Variants in GPM6B observed in about 807,000 individuals in gnomAD.
GPM6B encodes the protein neuronal membrane glycoprotein M6-b.
GPM6B carries 4 observed loss-of-function variants against 27.2 expected under a neutral mutation model. The observed-to-expected ratio is 0.15, with a 90% CI of 0.07 to 0.34. The LOEUF (loss-of-function observed/expected upper bound fraction) is 0.34, where lower values mean the gene tolerates loss of function less well. Among genes scored for constraint, GPM6B ranks in the 10% least tolerant of loss-of-function variants. The probability of loss-of-function intolerance (pLI) is 1.00; values close to 1 mark genes in which losing one functional copy is unlikely to be tolerated. For synonymous variants in GPM6B, 124 were observed against 103.1 expected, an observed-to-expected ratio of 1.20 and a Z score of -1.23; for missense variants, 183 against 261.9, an observed-to-expected ratio of 0.70 and a Z score of 2.08.
At chrX:13,786,385 A>T (rs1243832986) in intron 2 of GPM6B, among the ~76,000 whole-genome samples, 1 of 112,187 alleles carries the variant, frequency 8.9e-6, no homozygotes, top group Non-Finnish European at 1.9e-5. Flanking sequence ...TAGCAAGGTG[A>T]TTGTTTTGGA....
intron 1 of GPM6B, among the ~76,000 whole-genome samples, chrX:13,927,177 C>A (rs866751017): frequency 1.5e-4 from 14 of 94,393 alleles, no homozygotes; most frequent in African/African-American, 3.6e-4. Context: ...AAAAAAAAAA[C>A]AATGAAATAC....
intron 1 of GPM6B, among the ~76,000 whole-genome samples, chrX:13,927,145 C>G (rs1397029223): frequency 1.1e-5 from 1 of 92,791 alleles, no homozygotes; most frequent in Non-Finnish European, 2.1e-5. Flanking sequence ...AACTTTCAAC[C>G]TCTCTAGAGA....
intron 2 of GPM6B, among the ~76,000 whole-genome samples, chrX:13,793,924 A>T (rs1247884132): frequency 8.9e-6 from 1 of 111,932 alleles, no homozygotes; most frequent in Non-Finnish European, 1.9e-5. Flanking sequence ...CATGATTCCA[A>T]GTGGTTACTT....
At chrX:13,852,799 G>C (rs1481375896) in intron 1 of GPM6B, among the ~76,000 whole-genome samples, 1 of 98,457 alleles carries the variant, frequency 1.0e-5, no homozygotes, top group Non-Finnish European at 2.0e-5. Flanking sequence ...TTAAAGACTG[G>C]GTTTCACTCT....
intron 1 of GPM6B, among the ~76,000 whole-genome samples, chrX:13,843,009 T>C (rs1337517645): frequency 1.8e-5 from 2 of 111,537 alleles, no homozygotes; most frequent in Admixed American, 9.5e-5. Flanking sequence ...GTTCAAAATA[T>C]ATGATCGCAA....
At chrX:13,852,105 C>T (rs1386425023) in intron 1 of GPM6B, among the ~76,000 whole-genome samples, 1 of 110,833 alleles carries the variant, frequency 9.0e-6, no homozygotes, top group African/African-American at 3.3e-5. Flanking sequence ...TTTTTGTAAA[C>T]GGCCAGAATA....
chrX:13,845,053 G>C (rs1470035750), intron 1 of GPM6B, among the ~76,000 whole-genome samples: 1 of 104,976 alleles, frequency 9.5e-6, no homozygotes, highest in African/African-American at 3.5e-5. Flanking sequence ...GCAGTGGTGT[G>C]ATCTTGGCTC....
chrX:13,859,837 C>G (rs1464392618), intron 1 of GPM6B, among the ~76,000 whole-genome samples: 1 of 111,391 alleles, frequency 9.0e-6, no homozygotes. Context: ...TATGCTCTTT[C>G]CCCCACACGA....
chrX:13,922,047 C>G (rs1246188003), intron 1 of GPM6B, among the ~76,000 whole-genome samples: 1 of 111,720 alleles, frequency 9.0e-6, no homozygotes, highest in Admixed American at 9.5e-5. Context: ...GCATGTCTTA[C>G]AGAAAGCTGC....
chrX:13,927,088 A>C (rs781148241), intron 1 of GPM6B, among the ~76,000 whole-genome samples: 2 of 111,621 alleles, frequency 1.8e-5, no homozygotes, highest in Non-Finnish European at 3.8e-5. Context: ...AATACAAATA[A>C]GGATCTAAAT....
chrX:13,865,541 T>TAAAAAAAAAAAAAAAAA (rs1569271152), intron 1 of GPM6B, among the ~76,000 whole-genome samples: 1 of 3,113 alleles, frequency 3.2e-4, no homozygotes. Context: ...ATCCATCTCT[T>TAAAAAAAAAAAAAAAAA]CAAAAAAAAA....
At chrX:13,836,252 C>G (rs752225401) in intron 1 of GPM6B, among the ~76,000 whole-genome samples, 73 of 111,657 alleles carry the variant, frequency 6.5e-4, no homozygotes, top group African/African-American at 1.1e-3. Context: ...TTAATGGTAA[C>G]TTAAATGGGT....
At chrX:13,836,145 C>G (rs186358085) in intron 1 of GPM6B, among the ~76,000 whole-genome samples, 4 of 112,153 alleles carry the variant, frequency 3.6e-5, no homozygotes, top group Non-Finnish European at 7.5e-5. Flanking sequence ...GAGCTTACAA[C>G]CAGTAGCAGT....
chrX:13,773,265 C>CAAAGGTATTGTTAAGAAAAAGCAA (rs2048334875), intron 7 of GPM6B: 4 of 265,320 alleles, frequency 1.5e-5, no homozygotes, highest in Non-Finnish European at 2.0e-5. Context: ...AAAAAATGGC[C>CAAAGGTATTGTTAAGAAAAAGCAA]AAAGGTATTG....
chrX:13,799,189 AATTTTTTTTTTTTTTTTTTT>A (rs2048871393), intron 2 of GPM6B, among the ~76,000 whole-genome samples: 1 of 69,753 alleles, frequency 1.4e-5, no homozygotes, highest in Admixed American at 1.8e-4. Context: ...TAGCCAACCT[AATTTTTTTTTTTTTTTTTTT>A]TTTTTTTTTT....
chrX:13,810,299 A>AAAGGGGGC (rs777155030), intron 1 of GPM6B, among the ~76,000 whole-genome samples: 1 of 112,144 alleles, frequency 8.9e-6, no homozygotes, highest in African/African-American at 3.2e-5. Flanking sequence ...TCCTCTTGGT[A>AAAGGGGGC]AAGGGGGCTA....
At chrX:13,862,916 C>T (rs1193799271) in intron 1 of GPM6B, among the ~76,000 whole-genome samples, 1 of 108,949 alleles carries the variant, frequency 9.2e-6, no homozygotes, top group Non-Finnish European at 1.9e-5. Flanking sequence ...AGGCTGGTCT[C>T]AAATTCCAAG....
chrX:13,782,276 G>A (rs2070915051), intron 4 of GPM6B, among the ~76,000 whole-genome samples: 1 of 111,554 alleles, frequency 9.0e-6, no homozygotes, highest in African/African-American at 3.3e-5. Flanking sequence ...ATGCTAGGTG[G>A]GCTGTGGATC....
intron 1 of GPM6B, among the ~76,000 whole-genome samples, chrX:13,857,575 G>C (rs1242866997): frequency 8.9e-6 from 1 of 112,032 alleles, no homozygotes; most frequent in Non-Finnish European, 1.9e-5. Context: ...AAGAAACTGA[G>C]ATATTGGCAG....
Sources: allele counts gnomAD v4.1 joint callset (sites outside exome capture counted in the v4.1 genomes callset), GRCh38; gene constraint gnomAD v4.1.1; transcripts MANE v1.5; gene names NCBI Gene and HGNC (gene_info 2026-07-23, HGNC 2026-07-21).